The following OR56A3 variants were observed in gnomAD, a reference collection of about 807,000 sequenced individuals.
OR56A3 encodes olfactory receptor 56A3.
A neutral mutation model predicts 17.5 loss-of-function variants in OR56A3; 23 were observed. The ratio of observed to expected loss-of-function variants is 1.32; its 90% CI spans 0.95 to 1.87. The LOEUF is 1.87. Among genes scored for constraint, OR56A3 ranks in the 40% most tolerant of loss-of-function variants. The probability of loss-of-function intolerance (pLI) is 0.00; values close to 1 mark genes in which losing one functional copy is unlikely to be tolerated. For synonymous variants in OR56A3, 175 were observed against 150.6 expected (o/e 1.16, Z -1.19); for missense variants, 366 against 380.1 (o/e 0.96, Z 0.31).
chr11:6,000,963 A>C, the OR56A3 span: 1 of 152,262 alleles, frequency 6.6e-6, no homozygotes, highest in African/African-American at 2.4e-5. Flanking sequence ...CAGTTGGGAC[A>C]GTTGTCAAAC....
chr11:6,016,756 A>AC, the OR56A3 span, among the ~76,000 whole-genome samples: 112 of 151,600 alleles, frequency 7.4e-4, no homozygotes, highest in African/African-American at 1.4e-3. Flanking sequence ...GATAAATAAT[A>AC]CAAAAAAAAA....
the OR56A3 span, chr11:6,002,628 G>A: frequency 6.2e-7 from 1 of 1,614,216 alleles, no homozygotes; most frequent in Non-Finnish European, 8.5e-7. Flanking sequence ...ACGGTCATAG[G>A]CCATGACCAT....
At chr11:5,980,717 C>T in the OR56A3 span, among the ~76,000 whole-genome samples, 2 of 151,982 alleles carry the variant, frequency 1.3e-5, no homozygotes, top group Non-Finnish European at 1.5e-5. Context: ...TTGATCCTAT[C>T]GTGTTTTTAG....
the OR56A3 span, among the ~76,000 whole-genome samples, chr11:5,978,090 GT>G: frequency 6.6e-6 from 1 of 152,106 alleles, no homozygotes; most frequent in East Asian, 1.9e-4. Context: ...CCAGTACTAT[GT>G]TTTTTGGTTA....
chr11:5,968,844 C>A, the OR56A3 span, among the ~76,000 whole-genome samples: 1 of 151,998 alleles, frequency 6.6e-6, no homozygotes, highest in Non-Finnish European at 1.5e-5. Flanking sequence ...GATCCACAGG[C>A]TAGAAACACT....
chr11:6,003,715 G>A, the OR56A3 span, among the ~76,000 whole-genome samples: 2 of 152,046 alleles, frequency 1.3e-5, no homozygotes, highest in Non-Finnish European at 2.9e-5. Context: ...TTTTTTCCTT[G>A]TCAGTGTTAT....
chr11:6,005,897 A>G, the OR56A3 span, among the ~76,000 whole-genome samples: 1 of 152,186 alleles, frequency 6.6e-6, no homozygotes, highest in African/African-American at 2.4e-5. Flanking sequence ...ATTTCAACAT[A>G]TGAATTTTCC....
chr11:6,012,575 A>C, the OR56A3 span, among the ~76,000 whole-genome samples: 1 of 152,134 alleles, frequency 6.6e-6, no homozygotes, highest in Non-Finnish European at 1.5e-5. Flanking sequence ...GCAGCTGGTC[A>C]TCTCATTATC....
At chr11:5,952,026 A>G (rs1229982307), downstream of OR56A3, among the ~76,000 whole-genome samples, 1 of 152,224 alleles carries the variant, frequency 6.6e-6, no homozygotes, top group Non-Finnish European at 1.5e-5. Context: ...GAAAAAAGAA[A>G]ATAAGCCACT....
At chr11:6,019,802 A>G in the OR56A3 span, 1 of 152,132 alleles carries the variant, frequency 6.6e-6, no homozygotes, top group Non-Finnish European at 1.5e-5. Context: ...TGAATGTCAG[A>G]AGGCTTTTTC....
the OR56A3 span, among the ~76,000 whole-genome samples, chr11:5,978,699 C>A: frequency 6.6e-6 from 1 of 151,856 alleles, no homozygotes; most frequent in African/African-American, 2.4e-5. Context: ...TATTTAGATG[C>A]CTTTTCTTTC....
At chr11:6,001,028 A>T in the OR56A3 span, 1 of 152,374 alleles carries the variant, frequency 6.6e-6, no homozygotes, top group East Asian at 1.9e-4. Flanking sequence ...CAAAAGAGAC[A>T]GATTAAGACT....
the OR56A3 span, among the ~76,000 whole-genome samples, chr11:6,008,599 G>A: frequency 2.4e-4 from 36 of 151,954 alleles, no homozygotes; most frequent in African/African-American, 8.4e-4. Flanking sequence ...GGCAATGTTA[G>A]AGACTCTCAG....
At chr11:5,999,150 C>T in the OR56A3 span, among the ~76,000 whole-genome samples, 6 of 152,124 alleles carry the variant, frequency 3.9e-5, no homozygotes, top group Non-Finnish European at 7.4e-5. Flanking sequence ...CATGATAACC[C>T]TCACATAAGC....
the OR56A3 span, among the ~76,000 whole-genome samples, chr11:5,961,856 TA>T: frequency 6.6e-6 from 1 of 152,196 alleles, no homozygotes; most frequent in Non-Finnish European, 1.5e-5. Context: ...AGGGACAATT[TA>T]ACTTCTTTCT....
the OR56A3 span, chr11:5,968,037 G>T: frequency 6.2e-7 from 1 of 1,602,448 alleles, no homozygotes; most frequent in Non-Finnish European, 8.5e-7. Flanking sequence ...GCCATTCCTG[G>T]CCACAACAAA....
chr11:5,990,549 T>C, the OR56A3 span, among the ~76,000 whole-genome samples: 569 of 152,262 alleles, frequency 3.7e-3, 6 homozygotes, highest in African/African-American at 0.013. Context: ...GCTCCATCTA[T>C]GGGATATAAT....
chr11:5,985,749 C>T, the OR56A3 span: 5 of 554,246 alleles, frequency 9.0e-6, no homozygotes, highest in South Asian at 9.2e-5. Flanking sequence ...CAAAAATATT[C>T]ACAAATCCAG....
rs1434505594 is a variant in OR56A3 at position 5,950,259 on chromosome 11, A to G, written c.*1965A>G. 2 of 152,174 alleles carry G rather than the reference A, an allele frequency of 1.3e-5. No individual in the cohort carries two copies. The highest frequency in any genetic ancestry group is 4.8e-5 in the African/African-American group (2 of 41,474). The allele number at this position is 152,174 out of a possible 1,614,324, so 9.4% of individuals were successfully genotyped here. ...CCAGATGTCTACAGTAAGCTGTTAG[A>G]AGATAACCTTGGGTGCCAGGAAAAG... On this transcript the variant is annotated 3_prime_UTR_variant, in exon 3 of 3. Transcript: ENST00000641160.
Sources: allele counts gnomAD v4.1 joint callset (sites outside exome capture counted in the v4.1 genomes callset), GRCh38; gene constraint gnomAD v4.1.1; transcripts MANE v1.5; gene names NCBI Gene and HGNC (gene_info 2026-07-23, HGNC 2026-07-21).